GRM1: variants seen among roughly 807,000 people sequenced by gnomAD.
The protein encoded by GRM1 is glutamate metabotropic receptor 1, also known as metabotropic glutamate receptor 1.
Under a neutral mutation model 90.9 loss-of-function variants are expected in GRM1, and 33 were observed. That is an observed-to-expected ratio of 0.36 (90% CI 0.28 to 0.49). The LOEUF is 0.49. GRM1 is among the 20% of genes least tolerant of loss of function. The pLI is 0.99. For synonymous variants in GRM1, 700 were observed against 613.2 expected (o/e 1.14, Z -2.09); for missense variants, 1,190 against 1,534.3 (o/e 0.78, Z 3.75).
At chr6:146,304,054 T>TA (rs996412275) in intron 2 of GRM1, among the ~76,000 whole-genome samples, 3 of 152,148 alleles carry the variant, frequency 2.0e-5, no homozygotes, top group Non-Finnish European at 4.4e-5. Context: ...GAAGTAACAT[T>TA]AAAAAAATGA....
rs187431298 is a variant in GRM1 at position 146,172,707 on chromosome 6, G to A, written c.950+13110G>A. On this transcript the variant is annotated intron_variant, in intron 2 of 7. Transcript: ENST00000282753. Reference sequence around the variant, plus strand: ...TACTCAATGTGGGGTTGGGATGAGGGCACTATATTTCCACAAGGCAGCATA... The same window carrying A: ...TACTCAATGTGGGGTTGGGATGAGGACACTATATTTCCACAAGGCAGCATA... Among the ~76,000 whole-genome samples the A allele has an allele frequency of 2.0e-5, 3 of 152,112 alleles. No homozygotes were observed. In the East Asian group the frequency reaches 5.8e-4, roughly 29 times the overall value.
chr6:146,096,921 T>A (rs976262697), intron 1 of GRM1, among the ~76,000 whole-genome samples: 13 of 152,180 alleles, frequency 8.5e-5, no homozygotes, highest in Non-Finnish European at 1.5e-4. Context: ...CTCTGTGAAT[T>A]TACTTTTTTT....
chr6:146,053,037 A>C (rs1775350554), intron 1 of GRM1, among the ~76,000 whole-genome samples: 1 of 152,026 alleles, frequency 6.6e-6, no homozygotes. Flanking sequence ...GACCTACGGT[A>C]CCCTTTCTCC....
chr6:146,221,267 G>A (rs374931622), intron 2 of GRM1, among the ~76,000 whole-genome samples: 11 of 152,164 alleles, frequency 7.2e-5, no homozygotes, highest in East Asian at 5.8e-4. Context: ...AGGTATGCAC[G>A]TTCCATGGTG....
rs577159236 is a variant in GRM1 at position 146,213,629 on chromosome 6, TAGTC to T, written c.950+54036_950+54039del. ...TGCATTAGTCACTTAACTGCTGTGTTAGTCAGTTTCTCCAAAGAAAGAACCAATA... is the reference window on the plus strand; with the variant it reads ...TGCATTAGTCACTTAACTGCTGTGTTAGTTTCTCCAAAGAAAGAACCAATA... On this transcript the variant is annotated intron_variant, in intron 2 of 7. Transcript: ENST00000282753. Among the ~76,000 whole-genome samples, 829 of 152,232 alleles carry T rather than the reference TAGTC, an allele frequency of 5.4e-3. 4 individuals carry two copies. Among genetic ancestry groups the T allele is most frequent in the Middle Eastern group, 0.02 (6 of 294 alleles).
intron 2 of GRM1, 38 bp downstream of exon 2, chr6:146,159,635 T>C (rs565077203): frequency 7.8e-7 from 1 of 1,288,508 alleles, no homozygotes. Flanking sequence ...TCTCTCTCTC[T>C]CTCTCTCACA....
chr6:146,090,951 A>G (rs1380876432), intron 1 of GRM1, among the ~76,000 whole-genome samples: 2 of 152,084 alleles, frequency 1.3e-5, no homozygotes, highest in Non-Finnish European at 2.9e-5. Context: ...AAAAGAGCAT[A>G]CAGGAGTCCA....
intron 1 of GRM1, among the ~76,000 whole-genome samples, chr6:146,132,721 A>AT (rs1004428532): frequency 6.6e-6 from 1 of 152,134 alleles, no homozygotes; most frequent in Non-Finnish European, 1.5e-5. Context: ...CCTAGTATAG[A>AT]TTTTTTTCCC....
rs894266766 is a variant in GRM1 at position 146,374,239 on chromosome 6, C to T, written c.1603-12651C>T. On this transcript the variant is annotated intron_variant, in intron 5 of 7. Coordinates refer to ENST00000282753, the MANE Select transcript of GRM1 (RefSeq NM_001278064.2). ...ATCCCTCTTGTTCATCATGAATGAT[C>T]TTTTTAATGTATTGTTGAATTCTGT... is the stretch of plus-strand genomic sequence containing the variant. 4.6e-5 allele frequency among the ~76,000 whole-genome samples: 7 copies of T among 152,160 alleles called. 1 individual carries two copies. In the South Asian group the frequency reaches 1.2e-3, roughly 27 times the overall value.
intron 3 of GRM1, among the ~76,000 whole-genome samples, chr6:146,325,375 G>A (rs1784368175): frequency 1.3e-5 from 2 of 152,182 alleles, no homozygotes; most frequent in Admixed American, 1.3e-4. Flanking sequence ...ATGGGTGTGA[G>A]AAACCAATAT....
At chr6:146,214,131 C>T (rs373412066) in intron 2 of GRM1, among the ~76,000 whole-genome samples, 1 of 152,146 alleles carries the variant, frequency 6.6e-6, no homozygotes, top group Non-Finnish European at 1.5e-5. Context: ...TTCCCCCAGG[C>T]AGTCCTCTCA....
At chr6:146,159,639 TCTC>T in intron 2 of GRM1, 42 bp downstream of exon 2, 1 of 1,126,726 alleles carries the variant, frequency 8.9e-7, no homozygotes, top group Non-Finnish European at 1.3e-6. Flanking sequence ...TCTCTCTCTC[TCTC>T]ACACACACAC....
At chr6:146,230,645 T>C (rs535153207) in intron 2 of GRM1, among the ~76,000 whole-genome samples, 2 of 152,234 alleles carry the variant, frequency 1.3e-5, no homozygotes, top group East Asian at 1.9e-4. Flanking sequence ...CCGTGCAATC[T>C]AGCAGTCACA....
intron 1 of GRM1, among the ~76,000 whole-genome samples, chr6:146,121,011 G>A (rs1213751941): frequency 6.6e-6 from 1 of 152,142 alleles, no homozygotes; most frequent in African/African-American, 2.4e-5. Flanking sequence ...CAGAAGGAAT[G>A]GTATCAACTC....
chr6:146,328,136 T>G (rs1469244443), intron 3 of GRM1, among the ~76,000 whole-genome samples: 1 of 152,232 alleles, frequency 6.6e-6, no homozygotes, highest in Non-Finnish European at 1.5e-5. Flanking sequence ...AGCTACCTTT[T>G]CTATGCATTT....
chr6:146,127,625 T>C lies in GRM1; in HGVS notation c.701-31723T>C, dbSNP rs116806137. On this transcript the variant is annotated intron_variant, in intron 1 of 7. Transcript: ENST00000282753. Reference sequence around the variant, plus strand: ...GCTGGGCATTCTTGAGTGAGACAACTTTCCATCTTCTAAATTGCTGAAGAA... The same window carrying C: ...GCTGGGCATTCTTGAGTGAGACAACCTTCCATCTTCTAAATTGCTGAAGAA... 3.1e-3 allele frequency among the ~76,000 whole-genome samples: 479 copies of C among 152,252 alleles called. 4 individuals carry two copies. Among genetic ancestry groups the C allele is most frequent in the African/African-American group, 0.011 (464 of 41,522 alleles).
chr6:146,398,711 AGTT>A, intron 6 of GRM1, 55 bp from the exon 7 acceptor site: 1 of 1,138,502 alleles, frequency 8.8e-7, no homozygotes, highest in South Asian at 1.2e-5. Context: ...TTAATAGGCA[AGTT>A]GTTATTCCTA....
At chr6:146,332,159 T>C (rs1286743437) in intron 3 of GRM1, among the ~76,000 whole-genome samples, 1 of 152,176 alleles carries the variant, frequency 6.6e-6, no homozygotes, top group Non-Finnish European at 1.5e-5. Flanking sequence ...ATTGTGTGTA[T>C]CTGCCAATGA....
chr6:146,097,658 TC>T (rs1776917416), intron 1 of GRM1, among the ~76,000 whole-genome samples: 1 of 152,208 alleles, frequency 6.6e-6, no homozygotes, highest in Non-Finnish European at 1.5e-5. Flanking sequence ...AAATGAATGC[TC>T]CAGCTTCATC....
Sources: allele counts gnomAD v4.1 joint callset (sites outside exome capture counted in the v4.1 genomes callset), GRCh38; gene constraint gnomAD v4.1.1; transcripts MANE v1.5; gene names NCBI Gene and HGNC (gene_info 2026-07-23, HGNC 2026-07-21).